Variants in TMEM178B observed in about 807,000 individuals in gnomAD.
TMEM178B encodes the protein transmembrane protein 178B.
TMEM178B carries 5 observed loss-of-function variants against 31.0 expected under a neutral mutation model. The ratio of observed to expected loss-of-function variants is 0.16; its 90% confidence interval spans 0.08 to 0.34. The LOEUF (loss-of-function observed/expected upper bound fraction) is 0.34, where lower values mean the gene tolerates loss of function less well. Among genes scored for constraint, TMEM178B ranks in the 10% least tolerant of loss-of-function variants. The probability of loss-of-function intolerance (pLI) is 1.00; values close to 1 mark genes in which losing one functional copy is unlikely to be tolerated. For missense variants in TMEM178B, 275 were observed against 400.3 expected, an observed-to-expected ratio of 0.69 and a Z score of 2.67; for synonymous variants, 164 against 164.0, an observed-to-expected ratio of 1.00 and a Z score of 0.00.
At chr7:141,192,863 T>C (rs186692176) in intron 1 of TMEM178B, among the ~76,000 whole-genome samples, 6 of 152,368 alleles carry the variant, frequency 3.9e-5, no homozygotes, top group African/African-American at 1.4e-4. Context: ...TCCATAAACA[T>C]CTCTGCGATG....
At chr7:141,166,937 G>C (rs1796271644) in intron 1 of TMEM178B, among the ~76,000 whole-genome samples, 4 of 152,278 alleles carry the variant, frequency 2.6e-5, no homozygotes, top group Admixed American at 2.0e-4. Flanking sequence ...TTGTATGGGT[G>C]ACTTGGAACA....
intron 1 of TMEM178B, among the ~76,000 whole-genome samples, chr7:141,210,366 G>A (rs975404760): frequency 6.6e-6 from 1 of 152,180 alleles, no homozygotes; most frequent in East Asian, 1.9e-4. Flanking sequence ...TGGGGGCTGA[G>A]GCAGGAGAAT....
At chr7:141,327,943 C>G (rs537804321) in intron 2 of TMEM178B, among the ~76,000 whole-genome samples, 1 of 152,316 alleles carries the variant, frequency 6.6e-6, no homozygotes, top group African/African-American at 2.4e-5. Flanking sequence ...GCTGAGCTCT[C>G]TCTGCCTGGC....
the TMEM178B span, among the ~76,000 whole-genome samples, chr7:141,491,705 C>T: frequency 2.2e-4 from 34 of 152,166 alleles, no homozygotes; most frequent in African/African-American, 3.9e-4. Context: ...ACATAGGAAG[C>T]GGGGGTCATG....
the TMEM178B span, among the ~76,000 whole-genome samples, chr7:141,510,193 G>A: frequency 6.6e-6 from 1 of 152,202 alleles, no homozygotes; most frequent in Non-Finnish European, 1.5e-5. Flanking sequence ...GGGCCCTGCA[G>A]CATCCAGGTA....
intron 1 of TMEM178B, among the ~76,000 whole-genome samples, chr7:141,132,206 T>C (rs1458761559): frequency 1.3e-5 from 2 of 152,182 alleles, no homozygotes; most frequent in Admixed American, 1.3e-4. Context: ...TATCTTTGTT[T>C]GGCAGGTCAT....
At chr7:141,130,913 G>A (rs1056872556) in intron 1 of TMEM178B, among the ~76,000 whole-genome samples, 1 of 152,132 alleles carries the variant, frequency 6.6e-6, no homozygotes, top group Admixed American at 6.5e-5. Flanking sequence ...TATGTGATCA[G>A]TCAGCATCTG....
At chr7:141,217,717 T>A (rs113077120) in intron 2 of TMEM178B, among the ~76,000 whole-genome samples, 4 of 152,232 alleles carry the variant, frequency 2.6e-5, no homozygotes, top group African/African-American at 9.6e-5. Context: ...AGAGCCTCTG[T>A]GGGCAGCTGT....
At chr7:141,224,267 A>G (rs985746806) in intron 2 of TMEM178B, among the ~76,000 whole-genome samples, 1 of 152,220 alleles carries the variant, frequency 6.6e-6, no homozygotes, top group Non-Finnish European at 1.5e-5. Context: ...AGCAGAGTGA[A>G]AACAGACTAA....
intron 1 of TMEM178B, among the ~76,000 whole-genome samples, chr7:141,091,191 C>A (rs1444339839): frequency 6.6e-6 from 1 of 152,000 alleles, no homozygotes; most frequent in African/African-American, 2.4e-5. Context: ...TGCTATAGGT[C>A]AAAATTCAGT....
chr7:141,482,453 T>C (rs767171280), downstream of TMEM178B, among the ~76,000 whole-genome samples: 2 of 152,206 alleles, frequency 1.3e-5, no homozygotes, highest in Non-Finnish European at 2.9e-5. Context: ...GCACAGGGAT[T>C]CTGACTTACT....
chr7:141,282,674 A>G (rs1356567707), intron 2 of TMEM178B, among the ~76,000 whole-genome samples: 2 of 152,224 alleles, frequency 1.3e-5, no homozygotes, highest in Admixed American at 6.5e-5. Flanking sequence ...TTGACTTAGT[A>G]TGAGTCCCTG....
chr7:141,184,286 C>G (rs1402844219), intron 1 of TMEM178B, among the ~76,000 whole-genome samples: 1 of 152,128 alleles, frequency 6.6e-6, no homozygotes, highest in Non-Finnish European at 1.5e-5. Flanking sequence ...TCTGCAGTTG[C>G]TTTATTGTCT....
intron 2 of TMEM178B, among the ~76,000 whole-genome samples, chr7:141,270,654 G>A (rs1352514997): frequency 6.6e-6 from 1 of 152,202 alleles, no homozygotes; most frequent in Non-Finnish European, 1.5e-5. Flanking sequence ...TAGGATTCGA[G>A]TTGAGGTTTA....
chr7:141,222,753 C>G (rs1222876878), intron 2 of TMEM178B, among the ~76,000 whole-genome samples: 7 of 152,056 alleles, frequency 4.6e-5, no homozygotes, highest in African/African-American at 1.7e-4. Flanking sequence ...GCTGTCTGCA[C>G]AGGTATGTGT....
intron 2 of TMEM178B, among the ~76,000 whole-genome samples, chr7:141,281,206 A>T (rs1168289250): frequency 1.3e-5 from 2 of 152,180 alleles, no homozygotes; most frequent in Non-Finnish European, 2.9e-5. Context: ...GCAGGGCTGC[A>T]CCTAGAATAA....
At chr7:141,352,377 AT>A (rs5888001) in intron 2 of TMEM178B, 40,276 of 132,086 alleles carry the variant, frequency 0.3, 5,459 homozygotes, top group Middle Eastern at 0.37. Context: ...GGAGTCCACT[AT>A]TTTTTTTTTT....
rs542622329 is a variant in TMEM178B at position 141,402,816 on chromosome 7, CA to C, written c.497-34790del. Reference sequence around the variant, plus strand: ...GCACTGGAGGCCTGAGTGCTGACAGCAACTGCAAATCTGCAGAGGGCTCTGG... The same window carrying C: ...GCACTGGAGGCCTGAGTGCTGACAGCACTGCAAATCTGCAGAGGGCTCTGG... On this transcript the variant is annotated intron_variant, in intron 2 of 3. Coordinates refer to ENST00000565468, the MANE Select transcript of TMEM178B (RefSeq NM_001195278.2). Among the ~76,000 whole-genome samples, 7 of 152,364 alleles carry C rather than the reference CA, an allele frequency of 4.6e-5. No individual in the cohort carries two copies. In the East Asian group the frequency reaches 1.3e-3, roughly 29 times the overall value.
At chr7:141,505,919 G>T in the TMEM178B span, among the ~76,000 whole-genome samples, 1 of 152,166 alleles carries the variant, frequency 6.6e-6, no homozygotes, top group East Asian at 1.9e-4. Flanking sequence ...CCCCACAATG[G>T]CTGTGTCAGC....
Sources: gnomAD v4.1 joint callset for allele counts (sites outside exome capture counted in the v4.1 genomes callset) on GRCh38, gnomAD v4.1.1 for gene constraint, MANE v1.5 for transcripts, NCBI Gene and HGNC (gene_info 2026-07-23, HGNC 2026-07-21) for gene names.